NFE2L3: variants seen among roughly 807,000 people sequenced by gnomAD.
The protein encoded by NFE2L3 is NFE2 like bZIP transcription factor 3.
A neutral mutation model predicts 23.5 loss-of-function variants in NFE2L3; 18 were observed. The ratio of observed to expected loss-of-function variants is 0.77; its 90% CI spans 0.53 to 1.13. The LOEUF (loss-of-function observed/expected upper bound fraction) is 1.13, where lower values mean the gene tolerates loss of function less well. Among genes scored for constraint, NFE2L3 ranks in the 50% most tolerant of loss-of-function variants. The pLI is 0.00. For synonymous variants in NFE2L3, 424 were observed against 354.5 expected (o/e 1.20, Z -2.20); for missense variants, 1,152 against 877.2 (o/e 1.31, Z -3.96).
rs766634580 is a variant in NFE2L3, at chr7:26,185,024, T to A, written c.1326T>A (p.Cys442Ter). Residue 442 changes from cysteine (C) to a stop codon, truncating the protein, a stop_gained, in exon 4 of 4, where the codon TGT becomes TGA. Coordinates refer to ENST00000056233, the MANE Select transcript of NFE2L3 (RefSeq NM_004289.7). LOFTEE classifies it low-confidence loss of function (END_TRUNC). ...AGTCTAATTCCTCTCACTCTGTGTG[T>A]GATGAAGGTGCTATAGGTTATTGCA... Reference protein sequence around the residue: ...VIKSNSSHSVCDEGAIGYCTD... With the variant: ...VIKSNSSHSV The A allele has an allele frequency of 1.2e-5, 19 of 1,613,762 alleles. No homozygotes were observed. The highest frequency in any genetic ancestry group is 1.5e-5 in the Non-Finnish European group (18 of 1,179,826).
chr7:26,157,636 C>T (rs1201096869), intron 1 of NFE2L3, among the ~76,000 whole-genome samples: 2 of 152,132 alleles, frequency 1.3e-5, no homozygotes, highest in Non-Finnish European at 2.9e-5. Context: ...ACATACATTG[C>T]GTTTATGACA....
intron 2 of NFE2L3, among the ~76,000 whole-genome samples, chr7:26,179,525 C>A (rs1419133964): frequency 6.7e-6 from 1 of 150,346 alleles, no homozygotes; most frequent in Non-Finnish European, 1.5e-5. Context: ...AAGTATAACC[C>A]AATGTAATTT....
chr7:26,180,041 C>T (rs75892499), intron 2 of NFE2L3, among the ~76,000 whole-genome samples: 1 of 152,290 alleles, frequency 6.6e-6, no homozygotes, highest in East Asian at 1.9e-4. Flanking sequence ...TCAGGTGGCC[C>T]TCTCAACCAT....
Position 26,185,619 on chromosome 7 carries a change from C to T in NFE2L3, c.1921C>T (p.Leu641Phe), listed in dbSNP as rs764307829. ...CATAATGAAACAGAAACTGCATGAC[C>T]TTTATCATGATATTTTTAGTAGATT... ...INIMKQKLHD[L>F]YHDIFSRLRD... is the part of the protein sequence containing the mutation. Residue 641 changes from leucine to phenylalanine, a missense_variant, in exon 4 of 4, where the codon CTT becomes TTT. Leu to Phe is a conservative substitution (Grantham distance 22, BLOSUM62 0). Coordinates refer to ENST00000056233, the MANE Select transcript of NFE2L3 (RefSeq NM_004289.7). 4.3e-6 allele frequency: 7 copies of T among 1,613,820 alleles called. No homozygotes were observed. Among genetic ancestry groups the T allele is most frequent in the South Asian group, 2.2e-5 (2 of 91,056 alleles).
In NFE2L3 at chr7:26,186,092, AGAGT is replaced by A. The variant is rs1782478977; in HGVS notation, c.*310_*313del. 1 of 223,228 alleles carries A rather than the reference AGAGT, an allele frequency of 4.5e-6. No homozygotes were observed. The highest frequency in any genetic ancestry group is 2.3e-5 in the African/African-American group (1 of 43,996). The allele number at this position is 223,228 out of a possible 1,614,324, so 13.8% of individuals were successfully genotyped here. A position where few individuals can be genotyped will look rare whatever the true frequency, so the allele number is the denominator to read the frequency against. ...TCCATCTTGGCAGCCATCCTTTTTAAGAGTAAGTTGGTTACTTCAAAAAGAGCAA... is the reference window on the plus strand; with the variant it reads ...TCCATCTTGGCAGCCATCCTTTTTAAAAGTTGGTTACTTCAAAAAGAGCAA... On this transcript the variant is annotated 3_prime_UTR_variant, in exon 4 of 4. Coordinates refer to ENST00000056233, the MANE Select transcript of NFE2L3 (RefSeq NM_004289.7).
At chr7:26,157,753 G>T (rs1784105090) in intron 1 of NFE2L3, among the ~76,000 whole-genome samples, 1 of 152,202 alleles carries the variant, frequency 6.6e-6, no homozygotes, top group African/African-American at 2.4e-5. Flanking sequence ...GAATTTGCTA[G>T]GGCTGCCATA....
chr7:26,152,790 C>T lies in NFE2L3; in HGVS notation c.292C>T (p.Leu98Phe). ...EGQLLREVRA[L>F]GVPFVPRTSV... ...CCAGCTGCTCCGGGAGGTGCGCGCG[C>T]TCGGGGTCCCCTTCGTCCCTCGCAC... The change falls in exon 1 of 4, where the codon CTC becomes TTC. Residue 98 changes from leucine (L) to phenylalanine (F), a missense_variant. Leu to Phe is a conservative substitution (Grantham distance 22). Transcript: ENST00000056233. This position sits in a 1 kb window ranked among gnomAD's most constrained non-coding sequence, Gnocchi z 4.4. 1 of 1,486,110 alleles carries T rather than the reference C, an allele frequency of 6.7e-7. No homozygotes were observed. The allele number at this position is 1,486,110 out of a possible 1,614,324, so 92.1% of individuals were successfully genotyped here.
At chr7:26,184,141 G>T (rs1782412570) in intron 3 of NFE2L3, 1 of 334,510 alleles carries the variant, frequency 3.0e-6, no homozygotes, top group Non-Finnish European at 5.5e-6. Context: ...GCGCTTAGAG[G>T]CATTTAAACA....
At chr7:26,179,499 CAAA>C (rs201128349) in intron 2 of NFE2L3, among the ~76,000 whole-genome samples, 20 of 96,576 alleles carry the variant, frequency 2.1e-4, no homozygotes, top group South Asian at 3.2e-4. Context: ...GACCCTGTCT[CAAA>C]AAAAAAAAAA....
rs1466293879 is a variant in NFE2L3, at chr7:26,185,671, A to G, written c.1973A>G (p.Asn658Ser). ...RLRDDQGRPV[N>S]PNHYALQCTH... is the part of the protein sequence containing the mutation. ...AGAGATGACCAAGGTAGGCCAGTCAATCCCAACCACTATGCTCTCCAGTGT... is the reference window on the plus strand; with the variant it reads ...AGAGATGACCAAGGTAGGCCAGTCAGTCCCAACCACTATGCTCTCCAGTGT... The change falls in exon 4 of 4, where the codon AAT becomes AGT. Residue 658 changes from asparagine to serine, a missense_variant. By Grantham distance (46) the Asn-to-Ser change is conservative (BLOSUM62 1). Transcript: ENST00000056233. 2 of 1,613,942 alleles carry G rather than the reference A, an allele frequency of 1.2e-6. No homozygotes were observed. The highest frequency in any genetic ancestry group is 8.5e-7 in the Non-Finnish European group (1 of 1,179,806).
At chr7:26,153,380 C>T (rs937728931) in intron 1 of NFE2L3, among the ~76,000 whole-genome samples, 3 of 152,202 alleles carry the variant, frequency 2.0e-5, no homozygotes, top group Non-Finnish European at 4.4e-5. Context: ...TGCCCACTGT[C>T]TTCGCTCAGT....
At chr7:26,182,201 GTTT>G (rs1784527893) in intron 2 of NFE2L3, among the ~76,000 whole-genome samples, 2 of 152,116 alleles carry the variant, frequency 1.3e-5, no homozygotes, top group Non-Finnish European at 2.9e-5. Flanking sequence ...AGATAGAAAA[GTTT>G]CATTATAAAT....
At chr7:26,181,454 C>T (rs1784507447) in intron 2 of NFE2L3, among the ~76,000 whole-genome samples, 1 of 152,090 alleles carries the variant, frequency 6.6e-6, no homozygotes, top group Non-Finnish European at 1.5e-5. Flanking sequence ...GGGACTGGTA[C>T]AATTCTAGCT....
In NFE2L3 at chr7:26,185,155, A is replaced by T. The variant is rs775962721; in HGVS notation, c.1457A>T (p.His486Leu). ...CHLDQSDSDF[H>L]GDLTFQHVFH... ...TTGGATCAAAGTGATTCTGATTTCC[A>T]TGGAGATCTTACATTTCAACACGTA... The change falls in exon 4 of 4, where the codon CAT becomes CTT. Residue 486 changes from histidine (H) to leucine (L), a missense_variant. His to Leu is a moderately conservative substitution (Grantham distance 99, BLOSUM62 -3). Transcript: ENST00000056233. 6.2e-7 allele frequency: 1 copy of T among 1,613,896 alleles called. No individual in the cohort carries two copies. The highest frequency in any genetic ancestry group is 8.5e-7 in the Non-Finnish European group (1 of 1,179,834).
chr7:26,165,696 T>C (rs1229744008), intron 1 of NFE2L3, among the ~76,000 whole-genome samples: 3 of 151,870 alleles, frequency 2.0e-5, no homozygotes, highest in Non-Finnish European at 4.4e-5. Flanking sequence ...TGAATAGGAG[T>C]GGTGAGAGAG....
intron 2 of NFE2L3, among the ~76,000 whole-genome samples, chr7:26,180,119 G>T (rs547004367): frequency 6.6e-6 from 1 of 152,216 alleles, no homozygotes; most frequent in South Asian, 2.1e-4. Context: ...TATGGCTCTT[G>T]CATGGTTTCT....
At chr7:26,161,857 T>C (rs1784178124) in intron 1 of NFE2L3, among the ~76,000 whole-genome samples, 1 of 152,130 alleles carries the variant, frequency 6.6e-6, no homozygotes, top group African/African-American at 2.4e-5. Flanking sequence ...AAATTCATGC[T>C]TAATGCCAGG....
intron 1 of NFE2L3, among the ~76,000 whole-genome samples, chr7:26,164,769 T>G (rs1784223705): frequency 6.6e-6 from 1 of 152,234 alleles, no homozygotes; most frequent in Non-Finnish European, 1.5e-5. Context: ...TAGGTTTTCT[T>G]CTAGGGTTTT....
chr7:26,184,057 A>AT, intron 3 of NFE2L3: 1 of 464,372 alleles, frequency 2.2e-6, no homozygotes, highest in South Asian at 2.9e-5. Flanking sequence ...AAAGGAAAGG[A>AT]AATCAGTGTA....
Sources: allele counts gnomAD v4.1 joint callset (sites outside exome capture counted in the v4.1 genomes callset), GRCh38; gene constraint gnomAD v4.1.1; non-coding constraint Gnocchi (gnomAD v3.1); transcripts MANE v1.5; gene names NCBI Gene and HGNC (gene_info 2026-07-23, HGNC 2026-07-21).